The following NDFIP2 variants were observed in gnomAD, a reference collection of about 807,000 sequenced individuals.
The protein encoded by NDFIP2 is NEDD4 family-interacting protein 2.
NDFIP2 carries 19 observed loss-of-function variants against 36.0 expected under a neutral mutation model. The ratio of observed to expected loss-of-function variants is 0.53; its 90% CI spans 0.37 to 0.77. The LOEUF is 0.77. Among genes scored for constraint, NDFIP2 ranks in the 30% least tolerant of loss-of-function variants. The pLI, the probability that NDFIP2 is intolerant of heterozygous loss-of-function variation, is 0.00. For missense variants in NDFIP2, 446 were observed against 435.8 expected (o/e 1.02, Z -0.21); for synonymous variants, 181 against 167.7 (o/e 1.08, Z -0.61).
chr13:79,488,437 A>G (rs1873102815), intron 1 of NDFIP2, among the ~76,000 whole-genome samples: 1 of 152,212 alleles, frequency 6.6e-6, no homozygotes, highest in African/African-American at 2.4e-5. Flanking sequence ...GCTGAATCAA[A>G]TGGTAGCCTT....
In NDFIP2 at chr13:79,554,799, C is replaced by G. The variant is rs568739037; in HGVS notation, c.*2286C>G. The G allele has an allele frequency of 4.6e-5, 7 of 151,956 alleles. No individual in the cohort carries two copies. The highest frequency in any genetic ancestry group is 1.7e-4 in the African/African-American group (7 of 41,528). 9.4% of individuals were successfully genotyped at this position (151,956 alleles called of 1,614,324 possible). A position where few individuals can be genotyped will look rare whatever the true frequency, so the allele number is the denominator to read the frequency against. ...AAAATCAAAACTCTTGTTAGGGTATCTAAACATTTTTGAGTGTGAACTGGG... is the reference window on the plus strand; with the variant it reads ...AAAATCAAAACTCTTGTTAGGGTATGTAAACATTTTTGAGTGTGAACTGGG... On this transcript the variant is annotated 3_prime_UTR_variant, in exon 8 of 8. Coordinates refer to ENST00000218652, the MANE Select transcript of NDFIP2 (RefSeq NM_019080.3).
At chr13:79,524,235 A>C (rs1351340942) in intron 2 of NDFIP2, among the ~76,000 whole-genome samples, 1 of 152,164 alleles carries the variant, frequency 6.6e-6, no homozygotes, top group African/African-American at 2.4e-5. Context: ...CATATTGGCA[A>C]ATCCTTCTCC....
At chr13:79,521,514 T>G (rs1376396859) in intron 2 of NDFIP2, among the ~76,000 whole-genome samples, 1 of 152,120 alleles carries the variant, frequency 6.6e-6, no homozygotes, top group African/African-American at 2.4e-5. Flanking sequence ...CTAAATAACT[T>G]CTCTAAATAT....
intron 1 of NDFIP2, 60 bp from the exon 2 acceptor site, chr13:79,520,750 T>C (rs1874538705): frequency 6.9e-7 from 1 of 1,458,320 alleles, no homozygotes; most frequent in Non-Finnish European, 9.2e-7. Flanking sequence ...TAAAATCAGC[T>C]TAAAATTTAA....
At chr13:79,481,559 C>G in intron 1 of NDFIP2, 35 bp downstream of exon 1, 1 of 1,518,278 alleles carries the variant, frequency 6.6e-7, no homozygotes, top group Non-Finnish European at 8.8e-7. Context: ...CCCGGGACTG[C>G]CTCCCGCCGC....
chr13:79,540,958 G>A (rs887217292), intron 4 of NDFIP2, among the ~76,000 whole-genome samples: 32 of 152,284 alleles, frequency 2.1e-4, no homozygotes, highest in African/African-American at 7.7e-4. Flanking sequence ...TTACAAATGA[G>A]TGCTGTTTTG....
intron 6 of NDFIP2, 39 bp from the exon 7 acceptor site, chr13:79,550,978 T>C (rs751367718): frequency 8.0e-7 from 1 of 1,250,076 alleles, no homozygotes; most frequent in Non-Finnish European, 1.1e-6. Context: ...CTTTTCTGTA[T>C]AAAAACATAG....
Position 79,481,290 on chromosome 13 carries a change from A to C in NDFIP2, c.87A>C (p.Gly29=). 3.2e-6 allele frequency: 5 copies of C among 1,539,478 alleles called. No individual in the cohort carries two copies. The South Asian group carries it at 3.6e-5, about 11-fold the overall frequency. The change falls in exon 1 of 8, where the codon GGA becomes GGC. Residue 29 remains glycine, a synonymous_variant. Transcript: ENST00000218652. ...SARGAPELLR[G]TATNAEVSAA... ...GCGGCGCCCCGGAGCTTCTCCGCGGAACCGCGACCAACGCGGAGGTCTCGG... is the reference window on the plus strand; with the variant it reads ...GCGGCGCCCCGGAGCTTCTCCGCGGCACCGCGACCAACGCGGAGGTCTCGG...
At chr13:79,509,567 A>G (rs1240364401) in intron 1 of NDFIP2, among the ~76,000 whole-genome samples, 1 of 152,056 alleles carries the variant, frequency 6.6e-6, no homozygotes, top group South Asian at 2.1e-4. Flanking sequence ...CCCTCTTCTC[A>G]TCATGGCCTG....
intron 1 of NDFIP2, among the ~76,000 whole-genome samples, chr13:79,511,808 A>C (rs1366857231): frequency 6.6e-6 from 1 of 152,198 alleles, no homozygotes; most frequent in Non-Finnish European, 1.5e-5. Flanking sequence ...ACGTATTCCC[A>C]AATCTAATTA....
At chr13:79,520,392 C>T (rs552720036) in intron 1 of NDFIP2, among the ~76,000 whole-genome samples, 46 of 152,222 alleles carry the variant, frequency 3.0e-4, no homozygotes, top group Non-Finnish European at 4.3e-4. Context: ...ACAGTCTCTC[C>T]GATTTCAATA....
At chr13:79,512,520 C>T (rs1334693444) in intron 1 of NDFIP2, among the ~76,000 whole-genome samples, 1 of 152,056 alleles carries the variant, frequency 6.6e-6, no homozygotes, top group Non-Finnish European at 1.5e-5. Context: ...TCTGTCTCCC[C>T]AGTTTAGGTT....
At chr13:79,500,166 CA>C (rs771690443) in intron 1 of NDFIP2, among the ~76,000 whole-genome samples, 6,272 of 75,988 alleles carry the variant, frequency 0.083, 286 homozygotes, top group African/African-American at 0.2. Context: ...GATCCCCATG[CA>C]AAAAAAAAAA....
chr13:79,487,052 T>A (rs1320213067), intron 1 of NDFIP2, among the ~76,000 whole-genome samples: 2 of 152,156 alleles, frequency 1.3e-5, no homozygotes, highest in Non-Finnish European at 2.9e-5. Flanking sequence ...TCAAATAACA[T>A]CACTCTGGCG....
At chr13:79,548,436 C>G in intron 6 of NDFIP2, 42 bp downstream of exon 6, 1 of 1,383,928 alleles carries the variant, frequency 7.2e-7, no homozygotes, top group South Asian at 1.3e-5. Flanking sequence ...TTGGATATTT[C>G]CAAAAACTGT....
At chr13:79,496,635 T>G (rs1873444219) in intron 1 of NDFIP2, among the ~76,000 whole-genome samples, 1 of 151,634 alleles carries the variant, frequency 6.6e-6, no homozygotes, top group African/African-American at 2.4e-5. Flanking sequence ...TTTCCTGCCC[T>G]AATCTCTCTC....
intron 3 of NDFIP2, among the ~76,000 whole-genome samples, chr13:79,538,726 G>A (rs1266122586): frequency 6.6e-6 from 1 of 152,164 alleles, no homozygotes; most frequent in Non-Finnish European, 1.5e-5. Flanking sequence ...GGGATTACAG[G>A]CATGTGCCAC....
intron 1 of NDFIP2, among the ~76,000 whole-genome samples, chr13:79,489,796 G>T (rs1406330163): frequency 6.6e-6 from 1 of 152,138 alleles, no homozygotes; most frequent in Admixed American, 6.5e-5. Flanking sequence ...AGTGGAATGG[G>T]ACAAAACAGA....
At chr13:79,533,618 T>A (rs1369543621) in intron 3 of NDFIP2, among the ~76,000 whole-genome samples, 162 bp downstream of exon 3, 2 of 152,316 alleles carry the variant, frequency 1.3e-5, no homozygotes, top group East Asian at 3.9e-4. Flanking sequence ...CAGATTGTTT[T>A]AAATAAATAT....
Sources: gnomAD v4.1 joint callset for allele counts (sites outside exome capture counted in the v4.1 genomes callset) on GRCh38, gnomAD v4.1.1 for gene constraint, MANE v1.5 for transcripts, NCBI Gene and HGNC (gene_info 2026-07-23, HGNC 2026-07-21) for gene names.